Variants in CFAP57 observed in about 807,000 individuals in gnomAD.
CFAP57 encodes the protein cilia and flagella associated protein 57, also known as cilia- and flagella-associated protein 57.
Under a neutral mutation model 146.8 loss-of-function variants are expected in CFAP57, and 116 were observed. That is an observed-to-expected ratio of 0.79 (90% confidence interval 0.68 to 0.92). CFAP57 has a LOEUF of 0.92. CFAP57 is among the 40% of genes least tolerant of loss of function. The probability of loss-of-function intolerance (pLI) is 0.00; values close to 1 mark genes in which losing one functional copy is unlikely to be tolerated. For synonymous variants in CFAP57, 518 were observed against 552.8 expected (o/e 0.94, Z 0.88); for missense variants, 1,377 against 1,527.2 (o/e 0.90, Z 1.64).
At chr1:43,226,771 A>G (rs1377782034) in intron 17 of CFAP57, among the ~76,000 whole-genome samples, 1 of 152,212 alleles carries the variant, frequency 6.6e-6, no homozygotes, top group Non-Finnish European at 1.5e-5. Flanking sequence ...GAGTGAGTGA[A>G]TGCATGAGAG....
intron 17 of CFAP57, among the ~76,000 whole-genome samples, chr1:43,224,950 G>A (rs1403113508): frequency 1.3e-5 from 2 of 152,202 alleles, no homozygotes; most frequent in Admixed American, 6.5e-5. Flanking sequence ...ATAAAATGGG[G>A]ATGATAACCA....
intron 6 of CFAP57, among the ~76,000 whole-genome samples, chr1:43,187,100 T>C (rs1345706722): frequency 6.6e-6 from 1 of 152,226 alleles, no homozygotes; most frequent in East Asian, 1.9e-4. Flanking sequence ...GTCCATCAAA[T>C]TTAAATCTCA....
At chr1:43,200,721 C>A (rs1644084188) in intron 9 of CFAP57, among the ~76,000 whole-genome samples, 1 of 152,058 alleles carries the variant, frequency 6.6e-6, no homozygotes. Context: ...GGACAGTGCT[C>A]ATTGGTTCAT....
intron 18 of CFAP57, among the ~76,000 whole-genome samples, chr1:43,230,944 T>C (rs994860503): frequency 2.6e-5 from 4 of 152,246 alleles, no homozygotes; most frequent in African/African-American, 9.6e-5. Context: ...ATTCTTTAGC[T>C]GTGCAAATAC....
At chr1:43,174,492 C>G (rs1645094831) in intron 2 of CFAP57, among the ~76,000 whole-genome samples, 2 of 152,146 alleles carry the variant, frequency 1.3e-5, no homozygotes, top group African/African-American at 2.4e-5. Context: ...TGCTGGTAAG[C>G]ACCTCCAGAC....
chr1:43,245,506 C>A (rs1182679296), intron 22 of CFAP57, among the ~76,000 whole-genome samples: 1 of 152,102 alleles, frequency 6.6e-6, no homozygotes, highest in Non-Finnish European at 1.5e-5. Context: ...TCCCCTACTT[C>A]CAACAAATAT....
At chr1:43,244,674 G>T (rs564370515) in intron 22 of CFAP57, among the ~76,000 whole-genome samples, 1 of 152,110 alleles carries the variant, frequency 6.6e-6, no homozygotes, top group Non-Finnish European at 1.5e-5. Flanking sequence ...GGAGGCCGAG[G>T]CAGGCAGATC....
chr1:43,247,556 A>T (rs1646156734), intron 22 of CFAP57, among the ~76,000 whole-genome samples: 1 of 152,232 alleles, frequency 6.6e-6, no homozygotes. Flanking sequence ...TGTATTAAAA[A>T]AGAACTGCCA....
intron 12 of CFAP57, among the ~76,000 whole-genome samples, chr1:43,218,400 G>A (rs1373761725): frequency 6.6e-6 from 1 of 152,080 alleles, no homozygotes; most frequent in Non-Finnish European, 1.5e-5. Flanking sequence ...AAGAGTTCGA[G>A]ACCAGCCTGG....
chr1:43,248,307 T>TA (rs1431826167), intron 22 of CFAP57, among the ~76,000 whole-genome samples: 2 of 149,528 alleles, frequency 1.3e-5, no homozygotes, highest in Non-Finnish European at 3.0e-5. Flanking sequence ...CATTGTTTCA[T>TA]AAAAAAATTT....
chr1:43,243,832 G>C (rs1646017280), intron 22 of CFAP57, among the ~76,000 whole-genome samples: 1 of 152,172 alleles, frequency 6.6e-6, no homozygotes, highest in Non-Finnish European at 1.5e-5. Flanking sequence ...GCAAGATGAG[G>C]AGCTATTTAA....
chr1:43,185,781 G>A (rs1643028821), intron 5 of CFAP57, among the ~76,000 whole-genome samples: 1 of 151,964 alleles, frequency 6.6e-6, no homozygotes, highest in Admixed American at 6.6e-5. Context: ...AGCCAAGCGT[G>A]GCAGTGTGTG....
chr1:43,206,374 G>C (rs1428756684), intron 9 of CFAP57: 4 of 253,792 alleles, frequency 1.6e-5, no homozygotes, highest in Non-Finnish European at 3.1e-5. Flanking sequence ...CACTCTCTCT[G>C]TGCTATTTTT....
chr1:43,192,252 G>A (rs1055913098), intron 6 of CFAP57, among the ~76,000 whole-genome samples: 2 of 152,162 alleles, frequency 1.3e-5, no homozygotes, highest in Non-Finnish European at 2.9e-5. Flanking sequence ...TGTTAGGTCT[G>A]GTTGGTTTTT....
chr1:43,238,337 C>T lies in CFAP57; in HGVS notation c.3405+3699C>T, dbSNP rs114736031. On this transcript the variant is annotated intron_variant, in intron 21 of 22. Coordinates refer to ENST00000372492, the MANE Select transcript of CFAP57 (RefSeq NM_001378189.1). This position sits in a 1 kb window ranked among gnomAD's most constrained non-coding sequence, Gnocchi z 4.3. ...TCAATACGGAGGTCGGAAAGACCTGCCAGGGTCATCAGTCAGTTCCAAAGG... is the reference window on the plus strand; with the variant it reads ...TCAATACGGAGGTCGGAAAGACCTGTCAGGGTCATCAGTCAGTTCCAAAGG... Among the ~76,000 whole-genome samples, 1 of 152,180 alleles carries T rather than the reference C, an allele frequency of 6.6e-6. No homozygotes were observed. The highest frequency in any genetic ancestry group is 1.5e-5 in the Non-Finnish European group (1 of 68,026).
intron 15 of CFAP57, 67 bp downstream of exon 15, chr1:43,222,362 C>CA: frequency 7.5e-7 from 1 of 1,327,614 alleles, no homozygotes; most frequent in Admixed American, 3.2e-5. Context: ...CTCAGATCTC[C>CA]ATGGCATAGC....
At chr1:43,233,421 G>A (rs569782588) in intron 19 of CFAP57, among the ~76,000 whole-genome samples, 7 of 152,084 alleles carry the variant, frequency 4.6e-5, no homozygotes, top group African/African-American at 1.7e-4. Context: ...CCTGGGAGGC[G>A]GAGGTTGCCG....
chr1:43,208,561 G>A (rs1204062164), intron 10 of CFAP57, among the ~76,000 whole-genome samples: 9 of 152,140 alleles, frequency 5.9e-5, no homozygotes, highest in East Asian at 3.8e-4. Context: ...ACGAAACACC[G>A]CATATTCTCA....
At chr1:43,243,395 G>A (rs1427487182) in intron 22 of CFAP57, 36 bp downstream of exon 22, 5 of 1,472,928 alleles carry the variant, frequency 3.4e-6, no homozygotes, top group Non-Finnish European at 1.8e-6. Flanking sequence ...ATGGGCACTG[G>A]GACGAAGGGA....
Sources: gnomAD v4.1 joint callset for allele counts (sites outside exome capture counted in the v4.1 genomes callset) on GRCh38, gnomAD v4.1.1 for gene constraint, Gnocchi (gnomAD v3.1) non-coding constraint, MANE v1.5 for transcripts, NCBI Gene and HGNC (gene_info 2026-07-23, HGNC 2026-07-21) for gene names.